Variants in DLGAP2 observed in about 807,000 individuals in gnomAD.
DLGAP2 encodes disks large-associated protein 2.
In DLGAP2, 26 loss-of-function variants were observed where a neutral mutation model predicts 100.3. The observed-to-expected ratio is 0.26, with a 90% confidence interval of 0.19 to 0.36. DLGAP2 has a LOEUF of 0.36. DLGAP2 is among the 10% of genes least tolerant of loss of function. DLGAP2 has a pLI of 1.00. For missense variants in DLGAP2, 1,858 were observed against 1,453.2 expected, an observed-to-expected ratio of 1.28 and a Z score of -4.53; for synonymous variants, 886 against 630.1, an observed-to-expected ratio of 1.41 and a Z score of -6.08.
rs145643627 is a variant in DLGAP2 at position 1,409,180 on chromosome 8, C to T, written c.107-92186C>T. On this transcript the variant is annotated intron_variant, in intron 3 of 14. Transcript: ENST00000637795. The stretch of plus-strand genomic sequence containing the variant: ...CCAGTTCCTTCCTCACCATAGCAGG[C>T]GCCTGGCTCCCCTTGGACCACTGCC... Among the ~76,000 whole-genome samples the T allele has an allele frequency of 3.3e-3, 492 of 151,088 alleles. 10 individuals carry two copies. In the East Asian group the frequency reaches 0.043, roughly 13 times the overall value.
chr8:1,264,899 C>G (rs1021481906), intron 3 of DLGAP2, among the ~76,000 whole-genome samples: 7 of 152,068 alleles, frequency 4.6e-5, no homozygotes, highest in Non-Finnish European at 1.0e-4. Flanking sequence ...GTGAATAAGC[C>G]TCATGAGATG....
intron 2 of DLGAP2, among the ~76,000 whole-genome samples, chr8:1,172,614 C>G (rs1325115004): frequency 6.6e-6 from 1 of 152,158 alleles, no homozygotes; most frequent in Non-Finnish European, 1.5e-5. Flanking sequence ...AACTTCCCTT[C>G]TCACTTCATT....
chr8:936,360 G>C (rs770742452), intron 2 of DLGAP2, among the ~76,000 whole-genome samples: 7 of 152,190 alleles, frequency 4.6e-5, no homozygotes, highest in Non-Finnish European at 8.8e-5. Context: ...GTAAAACTCG[G>C]GAAGGATGTT....
At chr8:1,521,740 A>T (rs1164185745) in intron 4 of DLGAP2, among the ~76,000 whole-genome samples, 1 of 35,760 alleles carries the variant, frequency 2.8e-5, no homozygotes, top group African/African-American at 9.6e-5. Flanking sequence ...GGCAGCTGAT[A>T]TGGGGCGTCT....
chr8:771,383 T>C (rs192222113), intron 1 of DLGAP2, among the ~76,000 whole-genome samples: 6 of 152,334 alleles, frequency 3.9e-5, no homozygotes, highest in Non-Finnish European at 7.3e-5. Context: ...ATCTCCCTTA[T>C]TAAGTAGAGA....
At chr8:808,346 C>T (rs1483005885) in intron 1 of DLGAP2, among the ~76,000 whole-genome samples, 1 of 152,172 alleles carries the variant, frequency 6.6e-6, no homozygotes, top group African/African-American at 2.4e-5. Flanking sequence ...AGAAAGATGC[C>T]TGAAGTTCGT....
intron 2 of DLGAP2, among the ~76,000 whole-genome samples, chr8:958,780 G>A (rs1799655460): frequency 6.6e-6 from 1 of 152,070 alleles, no homozygotes; most frequent in Non-Finnish European, 1.5e-5. Context: ...CCAAGGTATT[G>A]AAATGGAAAG....
intron 3 of DLGAP2, among the ~76,000 whole-genome samples, chr8:1,259,160 G>C (rs986571299): frequency 2.6e-5 from 4 of 152,308 alleles, no homozygotes; most frequent in Admixed American, 1.3e-4. Context: ...ATTTCCATCA[G>C]TTTCTGTGAG....
intron 3 of DLGAP2, among the ~76,000 whole-genome samples, chr8:1,496,334 C>T (rs1052894503): frequency 7.9e-5 from 12 of 152,040 alleles, no homozygotes; most frequent in Non-Finnish European, 1.5e-4. Context: ...GCATGGGGGT[C>T]GGAACCTGCA....
Position 1,001,515 on chromosome 8 carries a change from G to A in DLGAP2, c.73+93549G>A, listed in dbSNP as rs972993940. Among the ~76,000 whole-genome samples the A allele has an allele frequency of 4.6e-5, 7 of 152,266 alleles. No homozygotes were observed. The South Asian group carries it at 1.0e-3, about 23-fold the overall frequency. On this transcript the variant is annotated intron_variant, in intron 2 of 14. Coordinates refer to ENST00000637795, the MANE Select transcript of DLGAP2 (RefSeq NM_001346810.2). ...CAAATGCTTTTGATTATAAAACACT[G>A]TAATAATTAAAATATTGAGGAAGGT...
intron 2 of DLGAP2, among the ~76,000 whole-genome samples, chr8:1,110,806 T>A (rs897282285): frequency 6.6e-6 from 1 of 151,152 alleles, no homozygotes; most frequent in African/African-American, 2.4e-5. Context: ...TACAGCTTTC[T>A]ATATTCACCC....
At chr8:1,544,928 T>C (rs1200046799) in intron 4 of DLGAP2, among the ~76,000 whole-genome samples, 1 of 152,118 alleles carries the variant, frequency 6.6e-6, no homozygotes, top group Non-Finnish European at 1.5e-5. Context: ...AGATGGGGTT[T>C]CACCATGTTG....
chr8:1,156,008 G>A (rs1382457136), intron 2 of DLGAP2, among the ~76,000 whole-genome samples: 1 of 152,182 alleles, frequency 6.6e-6, no homozygotes, highest in South Asian at 2.1e-4. Context: ...CCTGTGGGCC[G>A]GTGACTTTCT....
chr8:1,644,078 C>A (rs11782324), intron 8 of DLGAP2, among the ~76,000 whole-genome samples: 799 of 47,772 alleles, frequency 0.017, 7 homozygotes, highest in Admixed American at 0.027. Context: ...TCACCCTCGA[C>A]CCCGCCGGTC....
At chr8:930,025 C>T (rs915498619) in intron 2 of DLGAP2, among the ~76,000 whole-genome samples, 5 of 152,098 alleles carry the variant, frequency 3.3e-5, no homozygotes, top group Non-Finnish European at 7.4e-5. Context: ...GGTGCACCTG[C>T]TCATCCTGAT....
At chr8:744,289 T>A (rs984457831) in intron 1 of DLGAP2, among the ~76,000 whole-genome samples, 3 of 152,136 alleles carry the variant, frequency 2.0e-5, no homozygotes, top group African/African-American at 7.2e-5. Flanking sequence ...GGGTGACACC[T>A]CTCACCACCT....
At chr8:1,211,600 G>T (rs1299038342) in intron 2 of DLGAP2, among the ~76,000 whole-genome samples, 1 of 152,208 alleles carries the variant, frequency 6.6e-6, no homozygotes, top group Non-Finnish European at 1.5e-5. Context: ...TTGTGTCCAG[G>T]CACAGTGGCA....
chr8:1,156,852 G>C (rs1796801502), intron 2 of DLGAP2, among the ~76,000 whole-genome samples: 1 of 152,208 alleles, frequency 6.6e-6, no homozygotes, highest in Admixed American at 6.5e-5. Context: ...GAGGTTGGTA[G>C]AAAGGTTCTG....
chr8:895,630 AT>A (rs1346237299), intron 1 of DLGAP2, among the ~76,000 whole-genome samples: 1 of 152,212 alleles, frequency 6.6e-6, no homozygotes, highest in Non-Finnish European at 1.5e-5. Flanking sequence ...TTTGAGCAGA[AT>A]AATGCAGTGT....
Sources: gnomAD v4.1 joint callset for allele counts (sites outside exome capture counted in the v4.1 genomes callset) on GRCh38, gnomAD v4.1.1 for gene constraint, MANE v1.5 for transcripts, NCBI Gene and HGNC (gene_info 2026-07-23, HGNC 2026-07-21) for gene names.